Variants in PPFIBP2 observed in about 807,000 individuals in gnomAD.
The protein encoded by PPFIBP2 is PPFIB scaffold protein 2.
A neutral mutation model predicts 118.3 loss-of-function variants in PPFIBP2; 118 were observed. The ratio of observed to expected loss-of-function variants is 1.00; its 90% CI spans 0.86 to 1.16. The LOEUF is 1.16. PPFIBP2 is among the 50% of genes most tolerant of loss of function. The pLI is 0.00. For missense variants in PPFIBP2, 1,195 were observed against 1,073.1 expected (o/e 1.11, Z -1.59); for synonymous variants, 414 against 397.4 (o/e 1.04, Z -0.50).
intron 17 of PPFIBP2, among the ~76,000 whole-genome samples, chr11:7,643,263 A>T (rs548755470): frequency 1.3e-3 from 192 of 152,340 alleles, no homozygotes; most frequent in African/African-American, 4.5e-3. Flanking sequence ...AAATCAAGCT[A>T]TAGTAAGCTT....
chr11:7,577,331 G>A (rs1856528353), intron 3 of PPFIBP2: 2 of 269,894 alleles, frequency 7.4e-6, no homozygotes. Flanking sequence ...GTGTGTGTGT[G>A]TGTGTGTGTG....
At chr11:7,534,357 T>A (rs1203863525) in intron 1 of PPFIBP2, among the ~76,000 whole-genome samples, 1 of 152,226 alleles carries the variant, frequency 6.6e-6, no homozygotes, top group East Asian at 1.9e-4. Context: ...GCTTGTATTA[T>A]TTTTTAGGGG....
chr11:7,529,984 C>A (rs1172321394), intron 1 of PPFIBP2, among the ~76,000 whole-genome samples: 1 of 152,224 alleles, frequency 6.6e-6, no homozygotes, highest in Non-Finnish European at 1.5e-5. Flanking sequence ...CAGGGTCTGC[C>A]ACTTTGGGGG....
intron 14 of PPFIBP2, among the ~76,000 whole-genome samples, chr11:7,638,275 A>G (rs940897117): frequency 6.6e-6 from 1 of 152,220 alleles, no homozygotes; most frequent in African/African-American, 2.4e-5. Context: ...TACCACTTGG[A>G]AACTGTGGGT....
At chr11:7,609,283 C>T (rs1847778330) in intron 5 of PPFIBP2, among the ~76,000 whole-genome samples, 1 of 152,154 alleles carries the variant, frequency 6.6e-6, no homozygotes, top group South Asian at 2.1e-4. Context: ...ATGTTCAGAC[C>T]ATGGCAGGAT....
intron 10 of PPFIBP2, among the ~76,000 whole-genome samples, chr11:7,629,908 C>T (rs1442234196): frequency 6.6e-6 from 1 of 152,200 alleles, no homozygotes; most frequent in African/African-American, 2.4e-5. Context: ...AGCTCATCCA[C>T]CTCCTAGAAA....
chr11:7,663,430 G>C, the PPFIBP2 span, among the ~76,000 whole-genome samples: 1 of 152,020 alleles, frequency 6.6e-6, no homozygotes. Flanking sequence ...GTGTGCCCCT[G>C]CTGGGGGGTG....
At position 7,559,940 on chromosome 11, in the gene PPFIBP2, A is replaced by G. The variant is rs190700476; in HGVS notation, c.65-5613A>G. On this transcript the variant is annotated intron_variant, in intron 2 of 23. Transcript: ENST00000299492. ...CCATGTTAAAAAATAAAATAAAATA[A>G]GAGTGTTATCTTTTTCAGCTTTTCT... Among the ~76,000 whole-genome samples the G allele has an allele frequency of 2.8e-3, 427 of 149,948 alleles. 8 individuals carry two copies. The highest frequency in any genetic ancestry group is 0.024 in the Admixed American group (358 of 15,232).
chr11:7,588,870 A>T (rs1055397470), intron 3 of PPFIBP2, among the ~76,000 whole-genome samples: 1 of 152,330 alleles, frequency 6.6e-6, no homozygotes, highest in Non-Finnish European at 1.5e-5. Context: ...GAGAGGTAGT[A>T]TGTTTCACTG....
At chr11:7,550,626 T>C (rs1852866889) in intron 2 of PPFIBP2, among the ~76,000 whole-genome samples, 2 of 152,228 alleles carry the variant, frequency 1.3e-5, no homozygotes, top group Admixed American at 1.3e-4. Flanking sequence ...AGAGAATCCA[T>C]AGACTGGGAT....
At chr11:7,603,467 G>A (rs980838751) in intron 5 of PPFIBP2, among the ~76,000 whole-genome samples, 11 of 152,126 alleles carry the variant, frequency 7.2e-5, no homozygotes, top group African/African-American at 2.7e-4. Context: ...ACTTCAAAGG[G>A]CAAAGAGACT....
chr11:7,590,179 T>A (rs1322721143), intron 3 of PPFIBP2, among the ~76,000 whole-genome samples: 1 of 152,194 alleles, frequency 6.6e-6, no homozygotes, highest in East Asian at 1.9e-4. Context: ...TTTCCAAGTT[T>A]TTCTCCAGGC....
chr11:7,556,213 T>C (rs1402514533), intron 2 of PPFIBP2, among the ~76,000 whole-genome samples: 2 of 152,208 alleles, frequency 1.3e-5, no homozygotes, highest in Admixed American at 6.5e-5. Flanking sequence ...CCCAGCACTT[T>C]GGGAGGCCGA....
chr11:7,653,232 T>A lies in PPFIBP2; in HGVS notation c.*14T>A. 1.2e-6 allele frequency: 2 copies of A among 1,613,860 alleles called. No homozygotes were observed. The highest frequency in any genetic ancestry group is 8.5e-7 in the Non-Finnish European group (1 of 1,179,980). On this transcript the variant is annotated 3_prime_UTR_variant, in exon 24 of 24. Coordinates refer to ENST00000299492, the MANE Select transcript of PPFIBP2 (RefSeq NM_003621.5). ...CAGATTAGCTGATGCCCTTGTCACC[T>A]GCCCTCTGTGCACCCTGAGAGCTCA...
chr11:7,517,828 G>A (rs1212770096), intron 1 of PPFIBP2, among the ~76,000 whole-genome samples: 2 of 152,202 alleles, frequency 1.3e-5, no homozygotes, highest in African/African-American at 2.4e-5. Context: ...AGTCTTCAGC[G>A]GCAAGGCAAA....
At chr11:7,526,732 G>A (rs113151323) in intron 1 of PPFIBP2, among the ~76,000 whole-genome samples, 14 of 152,194 alleles carry the variant, frequency 9.2e-5, no homozygotes, top group Admixed American at 5.2e-4. Flanking sequence ...TTAGCCCGGC[G>A]TGACTATGCG....
chr11:7,532,856 T>G (rs1850848079), intron 1 of PPFIBP2, among the ~76,000 whole-genome samples: 3 of 152,232 alleles, frequency 2.0e-5, no homozygotes, highest in Admixed American at 1.3e-4. Context: ...AATGTTGAAA[T>G]GAAGGCTCAA....
At chr11:7,549,608 A>AATTT in intron 2 of PPFIBP2, 69 bp downstream of exon 2, 45 of 1,047,000 alleles carry the variant, frequency 4.3e-5, no homozygotes, top group African/African-American at 5.7e-5. Context: ...CTCTCCTTTT[A>AATTT]CTTTTTTTTT....
At chr11:7,660,337 T>C (rs1461623131), downstream of PPFIBP2, among the ~76,000 whole-genome samples, 2 of 118,644 alleles carry the variant, frequency 1.7e-5, no homozygotes, top group African/African-American at 5.3e-5. Context: ...ATACCTAATT[T>C]ATTGAGAGTT....
Sources: gnomAD v4.1 joint callset for allele counts (sites outside exome capture counted in the v4.1 genomes callset) on GRCh38, gnomAD v4.1.1 for gene constraint, MANE v1.5 for transcripts, NCBI Gene and HGNC (gene_info 2026-07-23, HGNC 2026-07-21) for gene names.